Variants in ENPP2 observed in about 807,000 individuals in gnomAD.
ENPP2 encodes ectonucleotide pyrophosphatase/phosphodiesterase 2, also known as autotaxin.
ENPP2 carries 51 observed loss-of-function variants against 120.2 expected under a neutral mutation model. The ratio of observed to expected loss-of-function variants is 0.42; its 90% confidence interval spans 0.34 to 0.54. ENPP2 has a LOEUF of 0.54. Among genes scored for constraint, ENPP2 ranks in the 20% least tolerant of loss-of-function variants. The pLI, the probability that ENPP2 is intolerant of heterozygous loss-of-function variation, is 0.04. For synonymous variants in ENPP2, 365 were observed against 366.4 expected, an observed-to-expected ratio of 1.00 and a Z score of 0.04; for missense variants, 920 against 1,066.5, an observed-to-expected ratio of 0.86 and a Z score of 1.91.
chr8:119,595,956 C>T, intron 11 of ENPP2: 1 of 1,613,962 alleles, frequency 6.2e-7, no homozygotes, highest in Non-Finnish European at 8.5e-7. Flanking sequence ...GGCAACTTTC[C>T]TCTTAGGTCT....
chr8:119,601,852 G>A (rs879615325), intron 9 of ENPP2, among the ~76,000 whole-genome samples: 2 of 152,086 alleles, frequency 1.3e-5, no homozygotes, highest in African/African-American at 2.4e-5. Context: ...TCTTGCTGGC[G>A]GTGTGACCTC....
chr8:119,647,421 C>T (rs1184137882), intron 1 of ENPP2, among the ~76,000 whole-genome samples: 1 of 152,154 alleles, frequency 6.6e-6, no homozygotes, highest in African/African-American at 2.4e-5. Context: ...ATAAATATTT[C>T]CCAAGTGAAC....
At chr8:119,619,890 A>G (rs1815766042) in intron 4 of ENPP2, among the ~76,000 whole-genome samples, 1 of 152,182 alleles carries the variant, frequency 6.6e-6, no homozygotes, top group African/African-American at 2.4e-5. Context: ...AGAGAACAGA[A>G]AAGGCCTCAG....
At chr8:119,584,889 C>G (rs934219676) in intron 15 of ENPP2, among the ~76,000 whole-genome samples, 1 of 152,142 alleles carries the variant, frequency 6.6e-6, no homozygotes, top group Non-Finnish European at 1.5e-5. Context: ...ATCTAACATA[C>G]GGGTCTCCAC....
intron 1 of ENPP2, among the ~76,000 whole-genome samples, chr8:119,648,432 T>C (rs946896920): frequency 3.3e-5 from 5 of 152,200 alleles, no homozygotes; most frequent in Admixed American, 2.6e-4. Context: ...AGCTCTTATG[T>C]GGCAAAGGGT....
At chr8:119,600,650 C>A (rs774140891) in intron 11 of ENPP2, 28 bp downstream of exon 11, 1 of 1,459,964 alleles carries the variant, frequency 6.8e-7, no homozygotes, top group Non-Finnish European at 9.6e-7. Flanking sequence ...GCCACAGATT[C>A]TTCTCAGGCA....
Position 119,564,968 on chromosome 8 carries a change from A to C in ENPP2, c.2132-13T>G. On this transcript the variant is annotated splice_polypyrimidine_tract_variant and intron_variant, in intron 22 of 24. Coordinates refer to ENST00000075322, the MANE Select transcript of ENPP2 (RefSeq NM_001040092.3). ...TAATTCCAGACCCCTGTGCAAAGACAAAAATCCAAAAATCAATTATTCATG... is the reference window on the plus strand; with the variant it reads ...TAATTCCAGACCCCTGTGCAAAGACCAAAATCCAAAAATCAATTATTCATG... The C allele has an allele frequency of 1.2e-6, 2 of 1,606,550 alleles. No homozygotes were observed. The highest frequency in any genetic ancestry group is 8.5e-7 in the Non-Finnish European group (1 of 1,176,796).
intron 1 of ENPP2, among the ~76,000 whole-genome samples, chr8:119,662,454 G>T (rs978652869): frequency 6.6e-6 from 1 of 152,032 alleles, no homozygotes; most frequent in Non-Finnish European, 1.5e-5. Context: ...AGTTCGAAAC[G>T]CAAATCCTCT....
At chr8:119,596,052 G>A in intron 11 of ENPP2, 1 of 1,563,580 alleles carries the variant, frequency 6.4e-7, no homozygotes, top group Non-Finnish European at 8.8e-7. Flanking sequence ...CTGTCCCTCT[G>A]AGTCAGATAT....
intron 11 of ENPP2, among the ~76,000 whole-genome samples, chr8:119,599,996 G>A (rs1814175260): frequency 7.7e-6 from 1 of 130,140 alleles, no homozygotes; most frequent in Admixed American, 8.3e-5. Context: ...GACGGAGCAA[G>A]ACTCTGTCTC....
intron 9 of ENPP2, among the ~76,000 whole-genome samples, chr8:119,605,463 TGTA>T (rs1814648188): frequency 2.7e-5 from 4 of 149,814 alleles, no homozygotes; most frequent in African/African-American, 9.9e-5. Context: ...TGTGTGTGTG[TGTA>T]TTTTTTTTTT....
chr8:119,597,823 AT>A (rs1193790764), intron 11 of ENPP2, among the ~76,000 whole-genome samples: 1 of 152,176 alleles, frequency 6.6e-6, no homozygotes, highest in Non-Finnish European at 1.5e-5. Flanking sequence ...TGGTCATCTC[AT>A]TTAATAGCTT....
intron 12 of ENPP2, among the ~76,000 whole-genome samples, chr8:119,592,276 C>A (rs146212012): frequency 2.6e-5 from 4 of 152,106 alleles, no homozygotes; most frequent in Non-Finnish European, 5.9e-5. Context: ...ACTTCGAGAC[C>A]GGCCTGGCCA....
rs138690148 is a variant in ENPP2 at position 119,595,857 on chromosome 8, C to T, written c.973-1997G>A. The T allele has an allele frequency of 4.2e-4, 680 of 1,613,916 alleles. 12 individuals carry two copies. The South Asian group carries it at 5.6e-3, about 13-fold the overall frequency. Reference sequence around the variant, plus strand: ...AATAGATAAACTTACTTTGTCCTGACGAGTTTCCGCAGCATAATGATCCAT... The same window carrying T: ...AATAGATAAACTTACTTTGTCCTGATGAGTTTCCGCAGCATAATGATCCAT... On this transcript the variant is annotated intron_variant, in intron 11 of 24. Coordinates refer to ENST00000075322, the MANE Select transcript of ENPP2 (RefSeq NM_001040092.3).
Position 119,612,112 on chromosome 8 carries a change from A to G in ENPP2, c.778-4135T>C, listed in dbSNP as rs142730608. Reference sequence around the variant, plus strand: ...CAAAGGACAGTCACTTTGCTTAGCCAGAGCTGGAAATGCTGGGGGAAGGAA... The same window carrying G: ...CAAAGGACAGTCACTTTGCTTAGCCGGAGCTGGAAATGCTGGGGGAAGGAA... On this transcript the variant is annotated intron_variant, in intron 8 of 24. Coordinates refer to ENST00000075322, the MANE Select transcript of ENPP2 (RefSeq NM_001040092.3). Among the ~76,000 whole-genome samples the G allele has an allele frequency of 5.3e-5, 8 of 152,318 alleles. No homozygotes were observed. The East Asian group carries it at 1.5e-3, about 29-fold the overall frequency.
intron 1 of ENPP2, among the ~76,000 whole-genome samples, chr8:119,658,424 C>T (rs1817828525): frequency 1.3e-5 from 2 of 152,208 alleles, no homozygotes; most frequent in South Asian, 4.1e-4. Flanking sequence ...ACATGTGCCA[C>T]CATGCCAGCT....
Position 119,617,225 on chromosome 8 carries a change from G to C in ENPP2, c.596C>G (p.Ser199Cys). Reference protein sequence around the residue: ...IEKLRSCGTHSPYMRPVYPTK... With the variant: ...IEKLRSCGTHCPYMRPVYPTK... ...TGGGTACACCGGCCTCATGTAGGGA[G>C]AGTGTGTGCCACAAGACCCTGGAAA... The change falls in exon 7 of 25, where the codon TCT becomes TGT. Residue 199 changes from serine (S) to cysteine (C), a missense_variant. Physicochemically the swap from Ser to Cys is moderately radical, Grantham distance 112. Coordinates refer to ENST00000075322, the MANE Select transcript of ENPP2 (RefSeq NM_001040092.3). 2 of 1,613,120 alleles carry C rather than the reference G, an allele frequency of 1.2e-6. No homozygotes were observed. Among genetic ancestry groups the C allele is most frequent in the African/African-American group, 2.7e-5 (2 of 75,032 alleles).
At chr8:119,600,820 A>G (rs1814245466) in intron 10 of ENPP2, 70 bp from the exon 11 acceptor site, 1 of 897,790 alleles carries the variant, frequency 1.1e-6, no homozygotes, top group African/African-American at 1.7e-5. Context: ...CATATTTTTA[A>G]AAAACGCATT....
chr8:119,561,591 G>A (rs190978094), intron 24 of ENPP2, among the ~76,000 whole-genome samples: 45 of 152,208 alleles, frequency 3.0e-4, no homozygotes, highest in Admixed American at 2.7e-3. Context: ...ACAGGGCCAG[G>A]AGCATATAGC....
Sources: gnomAD v4.1 joint callset for allele counts (sites outside exome capture counted in the v4.1 genomes callset) on GRCh38, gnomAD v4.1.1 for gene constraint, MANE v1.5 for transcripts, NCBI Gene and HGNC (gene_info 2026-07-23, HGNC 2026-07-21) for gene names.